The following NOS2 variants were observed in gnomAD, a reference collection of about 807,000 sequenced individuals.
The protein encoded by NOS2 is nitric oxide synthase 2, also known as nitric oxide synthase, inducible.
Under a neutral mutation model 136.0 loss-of-function variants are expected in NOS2, and 96 were observed. That is an observed-to-expected ratio of 0.71 (90% CI 0.60 to 0.84). The LOEUF is 0.84. NOS2 is among the 40% of genes least tolerant of loss of function. The pLI, the probability that NOS2 is intolerant of heterozygous loss-of-function variation, is 0.00. For synonymous variants in NOS2, 539 were observed against 587.5 expected (o/e 0.92, Z 1.20); for missense variants, 1,237 against 1,496.9 (o/e 0.83, Z 2.87).
rs927336219 is a variant in NOS2, at chr17:27,780,636, C to T, written c.1004+131G>A. The T allele has an allele frequency of 5.9e-6, 7 of 1,176,938 alleles. No homozygotes were observed. The Admixed American group carries it at 1.0e-4, about 17-fold the overall frequency. The allele number at this position is 1,176,938 out of a possible 1,614,324, so 72.9% of individuals were successfully genotyped here. A position where few individuals can be genotyped will look rare whatever the true frequency, so the allele number is the denominator to read the frequency against. On this transcript the variant is annotated intron_variant, in intron 9 of 26. Transcript: ENST00000313735. ...CAGTGACAAAAGAGTCCTTGAAGGC[C>T]AGCCCCCTGAGTGTCACCTGCTGCT...
intron 20 of NOS2, 135 bp downstream of exon 20, chr17:27,765,400 A>T: frequency 1.3e-6 from 1 of 781,382 alleles, no homozygotes; most frequent in Non-Finnish European, 2.0e-6. Flanking sequence ...CTGCTTTCAC[A>T]TAAGCTTTGG....
Position 27,789,688 on chromosome 17 carries a change from A to G in NOS2, c.111T>C (p.Ser37=), listed in dbSNP as rs1202530569. ...ACTGAAGGTCATCCTGTGTCACTGG[A>G]CTGTGAAAGGAAACAGCTAGCATGA... ...NVEKAPCATS[S]PVTQDDLQYH... Residue 37 remains serine (S), a splice_region_variant and synonymous_variant, in exon 3 of 27, where the codon AGT becomes AGC. Coordinates refer to ENST00000313735, the MANE Select transcript of NOS2 (RefSeq NM_000625.4). 1 of 1,612,846 alleles carries G rather than the reference A, an allele frequency of 6.2e-7. No homozygotes were observed. The highest frequency in any genetic ancestry group is 8.5e-7 in the Non-Finnish European group (1 of 1,178,850).
At position 27,780,756 on chromosome 17, in the gene NOS2, A is replaced by G. The variant is rs777074424; in HGVS notation, c.1004+11T>C. 1.2e-6 allele frequency: 2 copies of G among 1,614,112 alleles called. No homozygotes were observed. The highest frequency in any genetic ancestry group is 1.7e-5 in the Admixed American group (1 of 60,016). The stretch of plus-strand genomic sequence containing the variant: ...ACTCGCCCTTGCCCCCAGCACCCTC[A>G]GCCTACTTACTTGGGATGTTCCATG... On this transcript the variant is annotated intron_variant, in intron 9 of 26. Coordinates refer to ENST00000313735, the MANE Select transcript of NOS2 (RefSeq NM_000625.4).
chr17:27,780,699 C>T (rs1483465850), intron 9 of NOS2, 68 bp downstream of exon 9: 34 of 1,607,058 alleles, frequency 2.1e-5, no homozygotes, highest in South Asian at 3.3e-5. Context: ...AGGCTGGAGC[C>T]GCACTTAGGA....
chr17:27,787,895 T>C, intron 4 of NOS2, 69 bp from the exon 5 acceptor site: 1 of 1,491,612 alleles, frequency 6.7e-7, no homozygotes, highest in South Asian at 1.3e-5. Context: ...TGGGGCCAGC[T>C]CTCCTGGCCA....
At chr17:27,792,308 C>T (rs1448861649) in intron 2 of NOS2, among the ~76,000 whole-genome samples, 3 of 151,986 alleles carry the variant, frequency 2.0e-5, no homozygotes, top group Non-Finnish European at 4.4e-5. Flanking sequence ...AAAAACACCT[C>T]GAGGGAATGT....
intron 1 of NOS2, among the ~76,000 whole-genome samples, chr17:27,799,760 T>G (rs1909472801): frequency 6.7e-6 from 1 of 149,104 alleles, no homozygotes; most frequent in African/African-American, 2.5e-5. Flanking sequence ...GCAGAAGGAT[T>G]GCTTGAGGCT....
rs375461677 is a variant in NOS2, at chr17:27,773,196, G to T, written c.1524C>A (p.Pro508=). The change falls in exon 13 of 27, where the codon CCC becomes CCA. Residue 508 remains proline (P), a synonymous_variant. Transcript: ENST00000313735. ...CTTTCAATGGAATCTCTCTTCTCTT[G>T]GGTCTCCGCTTCTCGTCCTGCCAGA... ...THVWQDEKRR[P]KRREIPLKVL... 3 of 1,614,098 alleles carry T rather than the reference G, an allele frequency of 1.9e-6. No individual in the cohort carries two copies. Among genetic ancestry groups the T allele is most frequent in the South Asian group, 2.2e-5 (2 of 91,068 alleles).
chr17:27,772,947 A>T (rs1908543764), intron 13 of NOS2, among the ~76,000 whole-genome samples: 1 of 152,102 alleles, frequency 6.6e-6, no homozygotes, highest in Non-Finnish European at 1.5e-5. Flanking sequence ...AGGTGGGAGG[A>T]TCACTTGAGC....
In NOS2 at chr17:27,760,839, C is replaced by T. The variant is rs1908101485; in HGVS notation, c.2889-95G>A. 11 of 1,443,918 alleles carry T rather than the reference C, an allele frequency of 7.6e-6. No homozygotes were observed. In the South Asian group the frequency reaches 1.1e-4, roughly 15 times the overall value. 89.4% of individuals were successfully genotyped at this position (1,443,918 alleles called of 1,614,324 possible). A position where few individuals can be genotyped will look rare whatever the true frequency, so the allele number is the denominator to read the frequency against. On this transcript the variant is annotated intron_variant, in intron 23 of 26. Coordinates refer to ENST00000313735, the MANE Select transcript of NOS2 (RefSeq NM_000625.4). ...GGGAGCTGGGCCTGTGGGAGGCGGT[C>T]GTGAGGGGGTGGAGAGGACAAGAAG... is the stretch of plus-strand genomic sequence containing the variant.
At chr17:27,792,861 G>A (rs1028197172) in intron 2 of NOS2, among the ~76,000 whole-genome samples, 36 of 148,088 alleles carry the variant, frequency 2.4e-4, no homozygotes, top group Non-Finnish European at 2.5e-4. Context: ...GTGGTGATGC[G>A]CGCCTGTAGT....
chr17:27,782,032 G>C lies in NOS2; in HGVS notation c.705C>G (p.Thr235=). 1 of 1,614,114 alleles carries C rather than the reference G, an allele frequency of 6.2e-7. No individual in the cohort carries two copies. The highest frequency in any genetic ancestry group is 8.5e-7 in the Non-Finnish European group (1 of 1,180,016). ...EHICRHVRYS[T]NNGNIRSAIT... ...GCACCGACCTGATGTTGCCATTGTT[G>C]GTGGAGTAACGCACGTGTCTGCAGA... The change falls in exon 7 of 27, where the codon ACC becomes ACG. Residue 235 remains threonine, a synonymous_variant. Transcript: ENST00000313735.
chr17:27,769,282 T>C, intron 16 of NOS2, 131 bp from the exon 17 acceptor site: 2 of 955,594 alleles, frequency 2.1e-6, no homozygotes, highest in Non-Finnish European at 3.1e-6. Context: ...CTGGACCCCC[T>C]TCTGGTCCTC....
At chr17:27,768,910 A>T in intron 17 of NOS2, 67 bp downstream of exon 17, 1 of 1,471,772 alleles carries the variant, frequency 6.8e-7, no homozygotes, top group Non-Finnish European at 9.1e-7. Context: ...CGCCCAGCAC[A>T]GATGTCCTAG....
chr17:27,777,650 A>G (rs968350806), intron 11 of NOS2, among the ~76,000 whole-genome samples: 1 of 152,182 alleles, frequency 6.6e-6, no homozygotes, highest in Non-Finnish European at 1.5e-5. Context: ...TTTAGCATCT[A>G]CCATGTGCCA....
chr17:27,781,197 T>G lies in NOS2; in HGVS notation c.723-20A>C. The G allele has an allele frequency of 6.3e-7, 1 of 1,598,058 alleles. No homozygotes were observed. Among genetic ancestry groups the G allele is most frequent in the Non-Finnish European group, 8.5e-7 (1 of 1,177,116 alleles). ...GCCGACCTTCCCAGGACAGGAACAG[T>G]ACTGTTTACCACCTAGCCCTGGTGG... On this transcript the variant is annotated intron_variant, in intron 7 of 26. Transcript: ENST00000313735.
At chr17:27,792,457 A>C (rs1165206793) in intron 2 of NOS2, among the ~76,000 whole-genome samples, 1 of 152,210 alleles carries the variant, frequency 6.6e-6, no homozygotes, top group Non-Finnish European at 1.5e-5. Context: ...AAATTTGAAA[A>C]ATGAATAAAC....
rs199549623 is a variant in NOS2, at chr17:27,760,724, G to C, written c.2909C>G (p.Pro970Arg). 1 of 1,550,060 alleles carries C rather than the reference G, an allele frequency of 6.5e-7. No homozygotes were observed. Among genetic ancestry groups the C allele is most frequent in the Non-Finnish European group, 8.7e-7 (1 of 1,146,996 alleles). ...FVRNASGFHLPEDPSHPCILI... is the reference protein window; with the variant it reads ...FVRNASGFHLREDPSHPCILI... ...GATGCAAGGATGGGAGGGATCCTCG[G>C]GGAGGTGGAAGCCGCTGGCACTGAA... The change falls in exon 24 of 27, where the codon CCC (proline) becomes CGC (arginine). Residue 970 changes from proline to arginine, a missense_variant. Physicochemically the swap from Pro to Arg is moderately radical, Grantham distance 103. Coordinates refer to ENST00000313735, the MANE Select transcript of NOS2 (RefSeq NM_000625.4).
intron 14 of NOS2, 143 bp from the exon 15 acceptor site, chr17:27,771,160 C>T (rs185526339): frequency 6.3e-6 from 4 of 639,014 alleles, no homozygotes; most frequent in African/African-American, 1.8e-5. Context: ...CCGGCACAGG[C>T]GTGGCACAGA....
Sources: allele counts gnomAD v4.1 joint callset (sites outside exome capture counted in the v4.1 genomes callset), GRCh38; gene constraint gnomAD v4.1.1; transcripts MANE v1.5; gene names NCBI Gene and HGNC (gene_info 2026-07-23, HGNC 2026-07-21).